FBXO38: variants seen among roughly 807,000 people sequenced by gnomAD.
FBXO38 encodes F-box protein 38, also known as F-box only protein 38.
FBXO38 carries 53 observed loss-of-function variants against 131.9 expected under a neutral mutation model. That is an observed-to-expected ratio of 0.40 (90% CI 0.32 to 0.51). The LOEUF is 0.51. Among genes scored for constraint, FBXO38 ranks in the 20% least tolerant of loss-of-function variants. The probability of loss-of-function intolerance (pLI) is 0.53; values close to 1 mark genes in which losing one functional copy is unlikely to be tolerated. For missense variants in FBXO38, 1,076 were observed against 1,475.6 expected (o/e 0.73, Z 4.44); for synonymous variants, 452 against 505.6 (o/e 0.89, Z 1.42).
intron 15 of FBXO38, among the ~76,000 whole-genome samples, chr5:148,432,051 A>G (rs758792582): frequency 3.3e-5 from 5 of 152,178 alleles, no homozygotes; most frequent in Non-Finnish European, 7.4e-5. Context: ...TATTTGTTCA[A>G]TTTCCTTGTC....
At chr5:148,441,567 T>C in intron 21 of FBXO38, 1 of 213,718 alleles carries the variant, frequency 4.7e-6, no homozygotes. Flanking sequence ...ATTCTCCTGC[T>C]AGTTATGAGC....
At chr5:148,431,178 A>G (rs1754025260) in intron 15 of FBXO38, among the ~76,000 whole-genome samples, 1 of 152,246 alleles carries the variant, frequency 6.6e-6, no homozygotes, top group Non-Finnish European at 1.5e-5. Flanking sequence ...AACTATGAAC[A>G]TAATAAGTAT....
chr5:148,403,105 T>C (rs1390520785), intron 5 of FBXO38, among the ~76,000 whole-genome samples: 3 of 151,996 alleles, frequency 2.0e-5, no homozygotes, highest in African/African-American at 7.2e-5. Context: ...GATCAGGGAG[T>C]GATATCTAGT....
intron 21 of FBXO38, 192 bp downstream of exon 21, chr5:148,441,429 A>G: frequency 6.0e-6 from 3 of 501,616 alleles, no homozygotes; most frequent in Non-Finnish European, 6.9e-6. Flanking sequence ...CTAGGGATAT[A>G]TAAAGGCTGG....
At chr5:148,409,089 A>T in intron 7 of FBXO38, 35 bp from the exon 8 acceptor site, 1 of 1,197,644 alleles carries the variant, frequency 8.3e-7, no homozygotes, top group Non-Finnish European at 1.2e-6. Flanking sequence ...TAAAAATGCT[A>T]TGGTCAAACA....
intron 12 of FBXO38, among the ~76,000 whole-genome samples, chr5:148,420,578 C>A (rs1007555707): frequency 1.3e-5 from 2 of 152,176 alleles, no homozygotes; most frequent in African/African-American, 4.8e-5. Flanking sequence ...CATCATTTAA[C>A]TAATTTTCTA....
At position 148,442,022 on chromosome 5, in the gene FBXO38, G is replaced by A. The variant is rs1335136809; in HGVS notation, c.3442G>A (p.Glu1148Lys). 1 of 1,614,152 alleles carries A rather than the reference G, an allele frequency of 6.2e-7. No individual in the cohort carries two copies. Among genetic ancestry groups the A allele is most frequent in the Non-Finnish European group, 8.5e-7 (1 of 1,179,970 alleles). ...ACAGCTGTCTGCAGACATCTGTATG[G>A]AAACAATAGGAGAGGAAATTTCAGA... ...KGQLSADICM[E>K]TIGEEISEMR... The change falls in exon 22 of 22, where the codon GAA becomes AAA. Residue 1148 changes from glutamate to lysine, a missense_variant. Coordinates refer to ENST00000340253, the MANE Select transcript of FBXO38 (RefSeq NM_205836.3).
At chr5:148,399,298 G>A (rs935226549) in intron 3 of FBXO38, 166 bp downstream of exon 3, 80 of 690,850 alleles carry the variant, frequency 1.2e-4, no homozygotes, top group Admixed American at 8.7e-4. Context: ...TGTAAAATGC[G>A]TTTTACCTGA....
chr5:148,431,911 T>A (rs948688203), intron 15 of FBXO38, among the ~76,000 whole-genome samples: 15 of 152,256 alleles, frequency 9.9e-5, no homozygotes, highest in African/African-American at 3.6e-4. Context: ...AGCAGCTGCT[T>A]TGAATTGTTT....
At chr5:148,390,225 T>C (rs1440570360) in intron 1 of FBXO38, among the ~76,000 whole-genome samples, 2 of 152,176 alleles carry the variant, frequency 1.3e-5, no homozygotes, top group Non-Finnish European at 2.9e-5. Context: ...TTTGTTGTCC[T>C]TTATCAAGAC....
chr5:148,425,277 T>A (rs987397626), intron 13 of FBXO38, among the ~76,000 whole-genome samples: 2 of 152,208 alleles, frequency 1.3e-5, no homozygotes, highest in African/African-American at 4.8e-5. Context: ...TCTATTTTAA[T>A]TTGCCTTTGG....
At chr5:148,391,653 G>A (rs1758201164) in intron 1 of FBXO38, among the ~76,000 whole-genome samples, 1 of 152,198 alleles carries the variant, frequency 6.6e-6, no homozygotes, top group Non-Finnish European at 1.5e-5. Flanking sequence ...GGAACATCTG[G>A]TGTTTTGAGA....
rs1753588872 is a variant in FBXO38, at chr5:148,424,096, G to T, written c.1717G>T (p.Asp573Tyr). 3 of 1,613,402 alleles carry T rather than the reference G, an allele frequency of 1.9e-6. No homozygotes were observed. The South Asian group carries it at 3.3e-5, about 18-fold the overall frequency. The change falls in exon 13 of 22, where the codon GAT (aspartate) becomes TAT (tyrosine). Residue 573 changes from aspartate to tyrosine, a missense_variant. Physicochemically the swap from Asp to Tyr is radical, Grantham distance 160. This residue lies in a region of FBXO38 where 212 missense variants were observed against 221.2 expected (regional missense o/e 0.96). Transcript: ENST00000340253. ...PAHSQAIIPV[D>Y]VDEEQAGPSG... ...TCACAGCCAGGCAATTATTCCTGTGGATGTTGATGAGGAACAAGCAGGTAA... is the reference window on the plus strand; with the variant it reads ...TCACAGCCAGGCAATTATTCCTGTGTATGTTGATGAGGAACAAGCAGGTAA...
chr5:148,399,047 G>T lies in FBXO38; in HGVS notation c.177G>T (p.Lys59Asn). ...TGTGTATGGAATGTCTTTCCCGGAA[G>T]CTAAAGGAAGCAGTGACCCTATATC... ...DIMCMECLSR[K>N]LKEAVTLYLR... The change falls in exon 3 of 22, where the codon AAG becomes AAT. Residue 59 changes from lysine to asparagine, a missense_variant. By Grantham distance (94) the Lys-to-Asn change is moderately conservative. Transcript: ENST00000340253. 1.2e-6 allele frequency: 2 copies of T among 1,613,566 alleles called. No homozygotes were observed. Among genetic ancestry groups the T allele is most frequent in the African/African-American group, 2.7e-5 (2 of 74,998 alleles).
Position 148,427,782 on chromosome 5 carries a change from C to G in FBXO38, c.2488C>G (p.His830Asp), listed in dbSNP as rs1394096380. ...ACAAGGGGGGTCTTCAGGCCCAGCA[C>G]ATGATGAGAGGACTAATGGGAGTGG... ...LPQGGSSGPA[H>D]DERTNGSGSG... The change falls in exon 15 of 22, where the codon CAT (histidine) becomes GAT (aspartate). Residue 830 changes from histidine to aspartate, a missense_variant. Physicochemically the swap from His to Asp is moderately conservative, Grantham distance 81 (BLOSUM62 -1). Transcript: ENST00000340253. The G allele has an allele frequency of 6.2e-7, 1 of 1,610,924 alleles. No homozygotes were observed. Among genetic ancestry groups the G allele is most frequent in the Non-Finnish European group, 8.5e-7 (1 of 1,178,348 alleles).
Position 148,439,736 on chromosome 5 carries a change from T to C in FBXO38, c.3114T>C (p.Asn1038=). ...TCCATGAATTCAGTAACCCTCCCAA[T>C]GTCCGGAATAAGGTGCGCATTCGCA... ...CIIHEFSNPP[N]VRNKVRIRSW... is the part of the protein sequence containing the mutation. Residue 1038 remains asparagine (N), a synonymous_variant, in exon 19 of 22, where the codon AAT becomes AAC. Coordinates refer to ENST00000340253, the MANE Select transcript of FBXO38 (RefSeq NM_205836.3). 1 of 1,614,002 alleles carries C rather than the reference T, an allele frequency of 6.2e-7. No individual in the cohort carries two copies. The highest frequency in any genetic ancestry group is 8.5e-7 in the Non-Finnish European group (1 of 1,179,948).
At chr5:148,429,544 A>G (rs1290849845) in intron 15 of FBXO38, among the ~76,000 whole-genome samples, 1 of 152,016 alleles carries the variant, frequency 6.6e-6, no homozygotes, top group African/African-American at 2.4e-5. Flanking sequence ...TGCATTTGCC[A>G]TTTATTTTTA....
intron 1 of FBXO38, among the ~76,000 whole-genome samples, chr5:148,385,572 G>A (rs1757869361): frequency 1.3e-5 from 2 of 152,212 alleles, no homozygotes; most frequent in Admixed American, 1.3e-4. Context: ...GAAGGGTTGA[G>A]CTGGATGATT....
chr5:148,388,693 AG>A (rs1758043667), intron 1 of FBXO38, among the ~76,000 whole-genome samples: 1 of 152,216 alleles, frequency 6.6e-6, no homozygotes, highest in African/African-American at 2.4e-5. Context: ...GCAGAGACTT[AG>A]GGCCTTGCTC....
Sources: gnomAD v4.1 joint callset for allele counts (sites outside exome capture counted in the v4.1 genomes callset) on GRCh38, gnomAD v4.1.1 for gene constraint, gnomAD v4.1.1 regional missense constraint, MANE v1.5 for transcripts, NCBI Gene and HGNC (gene_info 2026-07-23, HGNC 2026-07-21) for gene names.